The following RABL3 variants were observed in gnomAD, a reference collection of about 807,000 sequenced individuals.
RABL3 encodes RAB, member of RAS oncogene family like 3.
RABL3 carries 31 observed loss-of-function variants against 31.8 expected under a neutral mutation model. The ratio of observed to expected loss-of-function variants is 0.97; its 90% CI spans 0.73 to 1.31. The LOEUF (loss-of-function observed/expected upper bound fraction) is 1.31. Among genes scored for constraint, RABL3 ranks in the 40% most tolerant of loss-of-function variants. The pLI, the probability that RABL3 is intolerant of heterozygous loss-of-function variation, is 0.00. For synonymous variants in RABL3, 97 were observed against 99.9 expected, an observed-to-expected ratio of 0.97 and a Z score of 0.18; for missense variants, 263 against 279.6, an observed-to-expected ratio of 0.94 and a Z score of 0.42.
At chr3:120,741,388 A>G (rs1190733184) in intron 1 of RABL3, among the ~76,000 whole-genome samples, 2 of 152,230 alleles carry the variant, frequency 1.3e-5, no homozygotes, top group Admixed American at 6.5e-5. Flanking sequence ...TTCTTAACCT[A>G]TATTTGCTGC....
chr3:120,707,123 T>C (rs368943697), intron 3 of RABL3, among the ~76,000 whole-genome samples: 3 of 152,226 alleles, frequency 2.0e-5, no homozygotes, highest in East Asian at 3.9e-4. Context: ...GTGGTATGTG[T>C]CAATTTGAAA....
At chr3:120,711,782 C>T (rs1451103439) in intron 2 of RABL3, among the ~76,000 whole-genome samples, 1 of 152,096 alleles carries the variant, frequency 6.6e-6, no homozygotes, top group African/African-American at 2.4e-5. Context: ...CTTACTGAAT[C>T]AGGACCTTTG....
Position 120,688,817 on chromosome 3 carries a change from A to C in RABL3, c.*1006T>G, listed in dbSNP as rs1410836686. The C allele has an allele frequency of 6.6e-6, 1 of 151,970 alleles. No homozygotes were observed. The highest frequency in any genetic ancestry group is 1.5e-5 in the Non-Finnish European group (1 of 67,944). 9.4% of individuals were successfully genotyped at this position (151,970 alleles called of 1,614,324 possible). A position where few individuals can be genotyped will look rare whatever the true frequency, so the allele number is the denominator to read the frequency against. On this transcript the variant is annotated 3_prime_UTR_variant, in exon 8 of 8. Transcript: ENST00000273375. ...ACGGACACACACACACACACACACC[A>C]TCCCCAAAAAGCTTTGGAGTGATTA...
rs773470881 is a variant in RABL3, at chr3:120,709,865, G to A, written c.183C>T (p.Tyr61=). 4 of 1,609,588 alleles carry A rather than the reference G, an allele frequency of 2.5e-6. No individual in the cohort carries two copies. Among genetic ancestry groups the A allele is most frequent in the Non-Finnish European group, 3.4e-6 (4 of 1,176,652 alleles). ...KEGTPEEKTY[Y]IELWDVGGSV... ...AGCCTCCAACATCCCATAATTCTAT[G>A]TAGTAGGTCTTCTCTTCTGGGGTTC... Residue 61 remains tyrosine (Y), a synonymous_variant, in exon 3 of 8, where the codon TAC becomes TAT. Coordinates refer to ENST00000273375, the MANE Select transcript of RABL3 (RefSeq NM_173825.5).
chr3:120,735,742 G>C (rs1708952508), intron 1 of RABL3, among the ~76,000 whole-genome samples: 1 of 152,158 alleles, frequency 6.6e-6, no homozygotes, highest in Admixed American at 6.6e-5. Context: ...CTGGTATGCT[G>C]TGTCTTTGTT....
chr3:120,701,861 G>A (rs1382135560), intron 4 of RABL3, among the ~76,000 whole-genome samples: 2 of 152,168 alleles, frequency 1.3e-5, no homozygotes, highest in East Asian at 3.9e-4. Context: ...CTTTCCCAGT[G>A]AATGCAACTA....
At chr3:120,719,540 C>T (rs1304468989) in intron 2 of RABL3, among the ~76,000 whole-genome samples, 1 of 152,240 alleles carries the variant, frequency 6.6e-6, no homozygotes, top group East Asian at 1.9e-4. Flanking sequence ...AAAAGGCACA[C>T]CAGAAGATTG....
At chr3:120,714,092 A>G (rs11713594) in intron 2 of RABL3, among the ~76,000 whole-genome samples, 41,990 of 152,076 alleles carry the variant, frequency 0.28, 6,286 homozygotes, top group Non-Finnish European at 0.33. Context: ...TTACAGGCGT[A>G]AGCCACCGCG....
chr3:120,692,208 T>G (rs1708388245), intron 6 of RABL3, among the ~76,000 whole-genome samples: 1 of 151,830 alleles, frequency 6.6e-6, no homozygotes, highest in Admixed American at 6.6e-5. Context: ...CTTTTTTTTT[T>G]GTTTGTTTCA....
chr3:120,698,510 C>T lies in RABL3; in HGVS notation c.447G>A (p.Leu149=), dbSNP rs1490465044. ...QIPLLVIGTK[L]DQIHETKRHE... The stretch of plus-strand genomic sequence containing the variant: ...GGCGCTTTGTTTCATGAATCTGGTC[C>T]AGTTTAGTCCCTATTACCAACAGTG... Residue 149 remains leucine, a synonymous_variant, in exon 5 of 8, where the codon CTG becomes CTA. Transcript: ENST00000273375. The T allele has an allele frequency of 3.0e-5, 49 of 1,613,618 alleles. No homozygotes were observed. The highest frequency in any genetic ancestry group is 4.1e-5 in the Non-Finnish European group (48 of 1,179,696).
chr3:120,742,600 C>T, upstream of RABL3: 1 of 1,245,432 alleles, frequency 8.0e-7, no homozygotes, highest in South Asian at 1.2e-5. Flanking sequence ...TTTCATTGGC[C>T]ACTCGGAGCG....
chr3:120,715,349 G>A (rs1165836767), intron 2 of RABL3, among the ~76,000 whole-genome samples: 1 of 152,064 alleles, frequency 6.6e-6, no homozygotes, highest in Non-Finnish European at 1.5e-5. Flanking sequence ...GACCAGCCTG[G>A]CCAACATGGC....
chr3:120,710,643 C>G (rs1236192325), intron 2 of RABL3: 1 of 152,208 alleles, frequency 6.6e-6, no homozygotes, highest in Admixed American at 6.6e-5. Flanking sequence ...CCCATCCCCA[C>G]TTTCTTGCTT....
chr3:120,708,398 T>C (rs1398427914), intron 3 of RABL3, among the ~76,000 whole-genome samples: 1 of 151,980 alleles, frequency 6.6e-6, no homozygotes, highest in Non-Finnish European at 1.5e-5. Context: ...AGTTTACAAC[T>C]CAGAATTCCA....
intron 2 of RABL3, among the ~76,000 whole-genome samples, chr3:120,713,211 A>G (rs566316055): frequency 6.6e-6 from 1 of 152,126 alleles, no homozygotes; most frequent in Non-Finnish European, 1.5e-5. Flanking sequence ...AGCCAGACTG[A>G]CTCACTCATC....
At chr3:120,706,344 C>T (rs555237717) in intron 3 of RABL3, among the ~76,000 whole-genome samples, 6 of 152,182 alleles carry the variant, frequency 3.9e-5, no homozygotes, top group East Asian at 1.9e-4. Context: ...CAAGGGCTGA[C>T]GAAATCCCAT....
chr3:120,727,777 G>T (rs1344003705), intron 2 of RABL3, among the ~76,000 whole-genome samples: 1 of 152,140 alleles, frequency 6.6e-6, no homozygotes, highest in African/African-American at 2.4e-5. Context: ...GGATTGCAAG[G>T]TTGGTTTAAC....
chr3:120,692,948 A>G (rs1387278844), intron 6 of RABL3, among the ~76,000 whole-genome samples: 1 of 152,182 alleles, frequency 6.6e-6, no homozygotes, highest in Non-Finnish European at 1.5e-5. Flanking sequence ...AACCAAATGG[A>G]AATTCTTATA....
At chr3:120,717,122 G>A (rs1013403325) in intron 2 of RABL3, among the ~76,000 whole-genome samples, 1 of 152,068 alleles carries the variant, frequency 6.6e-6, no homozygotes, top group African/African-American at 2.4e-5. Context: ...CAGGCGTGGT[G>A]GTGGGTGCCT....
Sources: allele counts gnomAD v4.1 joint callset (sites outside exome capture counted in the v4.1 genomes callset), GRCh38; gene constraint gnomAD v4.1.1; transcripts MANE v1.5; gene names NCBI Gene and HGNC (gene_info 2026-07-23, HGNC 2026-07-21).